Variants in SPATA16 observed in about 807,000 individuals in gnomAD.
SPATA16 encodes the protein spermatogenesis associated 16.
A neutral mutation model predicts 63.3 loss-of-function variants in SPATA16; 36 were observed. The ratio of observed to expected loss-of-function variants is 0.57; its 90% confidence interval spans 0.44 to 0.75. The LOEUF is 0.75. Ranked by LOEUF, SPATA16 falls within the 30% of genes least tolerant of loss-of-function variation. The pLI is 0.00. For missense variants in SPATA16, 646 were observed against 679.3 expected, an observed-to-expected ratio of 0.95 and a Z score of 0.54; for synonymous variants, 203 against 216.7, an observed-to-expected ratio of 0.94 and a Z score of 0.56.
intron 4 of SPATA16, among the ~76,000 whole-genome samples, chr3:173,016,000 G>T (rs1463713627): frequency 6.6e-6 from 1 of 152,040 alleles, no homozygotes; most frequent in African/African-American, 2.4e-5. Flanking sequence ...AAAAAGCTTT[G>T]CAACTTTCTA....
intron 6 of SPATA16, among the ~76,000 whole-genome samples, chr3:172,929,161 C>A (rs1469737810): frequency 1.3e-5 from 2 of 152,120 alleles, no homozygotes; most frequent in Non-Finnish European, 2.9e-5. Flanking sequence ...AGAAACACAT[C>A]TTTTAATGCA....
At chr3:173,047,567 CT>C (rs1404055728) in intron 3 of SPATA16, among the ~76,000 whole-genome samples, 1 of 151,826 alleles carries the variant, frequency 6.6e-6, no homozygotes, top group Non-Finnish European at 1.5e-5. Flanking sequence ...ATGTTCTTTG[CT>C]TTTGCATGAT....
In SPATA16 at chr3:172,961,065, T is replaced by TTCCTTCCTTCCTTCCTTCCTTCCTTC. The variant is rs1560080300; in HGVS notation, c.934-4242_934-4241insGAAGGAAGGAAGGAAGGAAGGAAGGA. Among the ~76,000 whole-genome samples the TTCCTTCCTTCCTTCCTTCCTTCCTTC allele has an allele frequency of 1.2e-4, 5 of 40,144 alleles. 2 individuals carry two copies. Among genetic ancestry groups the TTCCTTCCTTCCTTCCTTCCTTCCTTC allele is most frequent in the Admixed American group, 5.5e-4 (2 of 3,612 alleles). 26.3% of individuals were successfully genotyped at this position (40,144 alleles called of 152,430 possible). On this transcript the variant is annotated intron_variant, in intron 5 of 10. Transcript: ENST00000351008. Reference sequence around the variant, plus strand: ...CTTTCTTTCTTCTTTCTTTCTTTCTTCTTTCTTCCTTCCTTCCTTCCTTCC... The same window carrying TTCCTTCCTTCCTTCCTTCCTTCCTTC: ...CTTTCTTTCTTCTTTCTTTCTTTCTTTCCTTCCTTCCTTCCTTCCTTCCTTCCTTTCTTCCTTCCTTCCTTCCTTCC...
chr3:172,999,032 T>C (rs1734757005), intron 4 of SPATA16, among the ~76,000 whole-genome samples: 1 of 152,146 alleles, frequency 6.6e-6, no homozygotes, highest in Admixed American at 6.5e-5. Context: ...GGTTTTGGTA[T>C]TAGGATGACG....
chr3:172,894,491 C>CAA (rs34213880), intron 10 of SPATA16, among the ~76,000 whole-genome samples: 1 of 143,590 alleles, frequency 7.0e-6, no homozygotes, highest in Admixed American at 6.9e-5. Flanking sequence ...ACAAAACATG[C>CAA]AAAAAAAAAA....
intron 2 of SPATA16, among the ~76,000 whole-genome samples, chr3:173,077,842 G>A (rs758964895): frequency 6.6e-6 from 1 of 152,106 alleles, no homozygotes; most frequent in Non-Finnish European, 1.5e-5. Context: ...ACATGGAGAC[G>A]TCACTTCCAA....
intron 4 of SPATA16, among the ~76,000 whole-genome samples, chr3:172,997,769 T>A (rs2108264317): frequency 6.6e-6 from 1 of 152,242 alleles, no homozygotes; most frequent in East Asian, 1.9e-4. Flanking sequence ...TGAGACAATT[T>A]TTCGTAAAGG....
At chr3:173,101,395 G>A (rs953816698) in intron 2 of SPATA16, among the ~76,000 whole-genome samples, 9 of 152,060 alleles carry the variant, frequency 5.9e-5, no homozygotes, top group African/African-American at 1.9e-4. Context: ...TCTCTCCACC[G>A]TTTTCAACTT....
At chr3:172,941,456 T>G (rs10440041) in intron 6 of SPATA16, among the ~76,000 whole-genome samples, 9,847 of 152,130 alleles carry the variant, frequency 0.065, 1,000 homozygotes, top group African/African-American at 0.22. Flanking sequence ...GCATCAGAGA[T>G]AAAAGAAGAT....
At chr3:172,946,762 G>A (rs1733298897) in intron 6 of SPATA16, among the ~76,000 whole-genome samples, 1 of 152,138 alleles carries the variant, frequency 6.6e-6, no homozygotes, top group South Asian at 2.1e-4. Flanking sequence ...GGGCCAGCAG[G>A]GAACTCACCA....
chr3:173,036,905 T>G (rs1735725509), intron 3 of SPATA16, among the ~76,000 whole-genome samples: 1 of 152,022 alleles, frequency 6.6e-6, no homozygotes, highest in East Asian at 1.9e-4. Flanking sequence ...GGATTATCAT[T>G]TTGAAGTGAG....
Position 173,118,756 on chromosome 3 carries a change from A to G in SPATA16, c.-18-1007T>C, listed in dbSNP as rs556317886. 6.6e-5 allele frequency among the ~76,000 whole-genome samples: 10 copies of G among 152,250 alleles called. No individual in the cohort carries two copies. The South Asian group carries it at 1.0e-3, about 16-fold the overall frequency. Reference sequence around the variant, plus strand: ...AAACCTACCCATTCAGATTGCTATTACCTTCCTAGGACTGCCACTTGCCAA... The same window carrying G: ...AAACCTACCCATTCAGATTGCTATTGCCTTCCTAGGACTGCCACTTGCCAA... On this transcript the variant is annotated intron_variant, in intron 1 of 10. Coordinates refer to ENST00000351008, the MANE Select transcript of SPATA16 (RefSeq NM_031955.6).
Position 172,977,030 on chromosome 3 carries a change from T to G in SPATA16, c.871A>C (p.Met291Leu). 6.2e-7 allele frequency: 1 copy of G among 1,610,514 alleles called. No homozygotes were observed. The highest frequency in any genetic ancestry group is 8.5e-7 in the Non-Finnish European group (1 of 1,179,356). ...TCCCTTCCTCCACCAAGCCAGAACA[T>G]GTAGTCAGCAATCATGGCACTCCTA... Reference protein sequence around the residue: ...AARSAMIADYMFWLGGGREES... With the variant: ...AARSAMIADYLFWLGGGREES... The change falls in exon 5 of 11, where the codon ATG becomes CTG. Residue 291 changes from methionine to leucine, a missense_variant. Physicochemically the swap from Met to Leu is conservative, Grantham distance 15 (BLOSUM62 2). Transcript: ENST00000351008.
chr3:173,112,955 G>A (rs1737788462), intron 2 of SPATA16, among the ~76,000 whole-genome samples: 1 of 152,206 alleles, frequency 6.6e-6, no homozygotes, highest in Non-Finnish European at 1.5e-5. Context: ...TGTTGTTTAA[G>A]TTGCATGCTA....
At chr3:173,083,122 C>CT (rs953868348) in intron 2 of SPATA16, among the ~76,000 whole-genome samples, 21 of 150,618 alleles carry the variant, frequency 1.4e-4, no homozygotes, top group Admixed American at 4.0e-4. Context: ...GTTTTATAGG[C>CT]TTTTTTTTTA....
intron 8 of SPATA16, among the ~76,000 whole-genome samples, chr3:172,923,659 G>A (rs1732663649): frequency 1.3e-5 from 2 of 152,084 alleles, no homozygotes; most frequent in Admixed American, 6.6e-5. Flanking sequence ...CTTATTTTGG[G>A]CTCTTTAAGA....
chr3:172,994,471 A>G (rs1734652901), intron 4 of SPATA16, among the ~76,000 whole-genome samples: 1 of 152,100 alleles, frequency 6.6e-6, no homozygotes, highest in African/African-American at 2.4e-5. Flanking sequence ...GGCATAGGCA[A>G]ATGTGTGGAA....
At position 173,058,931 on chromosome 3, in the gene SPATA16, C is replaced by CT. The variant is rs555857492; in HGVS notation, c.613-9838dup. Among the ~76,000 whole-genome samples the CT allele has an allele frequency of 1.8e-3, 264 of 150,826 alleles. 1 individual carries two copies. The highest frequency in any genetic ancestry group is 9.6e-3 in the South Asian group (46 of 4,780). On this transcript the variant is annotated intron_variant, in intron 2 of 10. Coordinates refer to ENST00000351008, the MANE Select transcript of SPATA16 (RefSeq NM_031955.6). ...AAAGTCTAAGCCCAGCTCCTTTCACCTTTTTTTTTCCTTTTTAATCATTCT... is the reference window on the plus strand; with the variant it reads ...AAAGTCTAAGCCCAGCTCCTTTCACCTTTTTTTTTTCCTTTTTAATCATTCT...
intron 10 of SPATA16, among the ~76,000 whole-genome samples, chr3:172,893,587 A>G (rs1037642955): frequency 6.6e-6 from 1 of 152,224 alleles, no homozygotes; most frequent in Non-Finnish European, 1.5e-5. Context: ...GAATATAACT[A>G]CTAAGCCATA....
Sources: gnomAD v4.1 joint callset for allele counts (sites outside exome capture counted in the v4.1 genomes callset) on GRCh38, gnomAD v4.1.1 for gene constraint, MANE v1.5 for transcripts, NCBI Gene and HGNC (gene_info 2026-07-23, HGNC 2026-07-21) for gene names.